Variants in RBFOX1 observed in about 807,000 individuals in gnomAD.
RBFOX1 encodes the protein RNA binding protein fox-1 homolog 1.
RBFOX1 carries 8 observed loss-of-function variants against 57.7 expected under a neutral mutation model. That is an observed-to-expected ratio of 0.14 (90% CI 0.08 to 0.25). The LOEUF is 0.25. RBFOX1 is among the 10% of genes least tolerant of loss of function. RBFOX1 has a pLI of 1.00. For missense variants in RBFOX1, 611 were observed against 548.5 expected (o/e 1.11, Z -1.14); for synonymous variants, 326 against 222.4 (o/e 1.47, Z -4.15).
chr16:5,883,385 T>G (rs1476434995), intron 4 of RBFOX1, among the ~76,000 whole-genome samples: 1 of 152,162 alleles, frequency 6.6e-6, no homozygotes, highest in African/African-American at 2.4e-5. Flanking sequence ...CTCATAATAC[T>G]TTTTCTGACA....
At chr16:6,362,670 A>G (rs2088802327) in intron 2 of RBFOX1, among the ~76,000 whole-genome samples, 1 of 152,236 alleles carries the variant, frequency 6.6e-6, no homozygotes, top group Admixed American at 6.5e-5. Context: ...TTTAACCAGA[A>G]GGTGACTGGT....
At chr16:5,512,084 A>G (rs751160268) in intron 2 of RBFOX1, among the ~76,000 whole-genome samples, 47 of 152,180 alleles carry the variant, frequency 3.1e-4, no homozygotes, top group Non-Finnish European at 6.5e-4. Context: ...ATGGGGTGAT[A>G]TGTCTTGTCC....
At chr16:7,161,997 C>A (rs1345571466) in intron 4 of RBFOX1, among the ~76,000 whole-genome samples, 1 of 152,200 alleles carries the variant, frequency 6.6e-6, no homozygotes, top group Non-Finnish European at 1.5e-5. Context: ...AGAACACAGC[C>A]AGCTAGTAAG....
intron 3 of RBFOX1, among the ~76,000 whole-genome samples, chr16:5,790,178 A>G (rs2054641990): frequency 6.6e-6 from 1 of 152,242 alleles, no homozygotes; most frequent in Non-Finnish European, 1.5e-5. Flanking sequence ...GCTGGACCTG[A>G]AAGTGACAAA....
chr16:6,897,891 T>C (rs1055564667), intron 3 of RBFOX1, among the ~76,000 whole-genome samples: 12 of 152,132 alleles, frequency 7.9e-5, no homozygotes, highest in African/African-American at 2.9e-4. Flanking sequence ...ATATCCCCAA[T>C]TCCCTGGAGC....
At chr16:7,240,587 C>A (rs1042922703) in intron 4 of RBFOX1, among the ~76,000 whole-genome samples, 1 of 152,090 alleles carries the variant, frequency 6.6e-6, no homozygotes, top group Non-Finnish European at 1.5e-5. Context: ...CAGGGTCTCA[C>A]TTTGTCACCC....
intron 1 of RBFOX1, among the ~76,000 whole-genome samples, chr16:5,409,865 T>C (rs1032865638): frequency 5.9e-5 from 9 of 151,872 alleles, no homozygotes; most frequent in Non-Finnish European, 8.8e-5. Context: ...TTGGCCAACA[T>C]GGTGAAACCC....
intron 4 of RBFOX1, among the ~76,000 whole-genome samples, chr16:7,319,479 G>C (rs1214488816): frequency 6.6e-6 from 1 of 152,202 alleles, no homozygotes; most frequent in Admixed American, 6.5e-5. Context: ...TCAGGTCAGT[G>C]TTTGTATGTC....
chr16:7,539,874 C>G (rs1322146393), intron 5 of RBFOX1, among the ~76,000 whole-genome samples: 3 of 152,128 alleles, frequency 2.0e-5, no homozygotes, highest in Non-Finnish European at 4.4e-5. Context: ...TAACTCCGTC[C>G]CCATACTGGC....
At chr16:6,455,820 A>G (rs1044543077) in intron 2 of RBFOX1, among the ~76,000 whole-genome samples, 2 of 152,188 alleles carry the variant, frequency 1.3e-5, no homozygotes, top group Non-Finnish European at 2.9e-5. Flanking sequence ...GATGGCTTAT[A>G]ATAAAGGTGC....
At chr16:7,355,346 A>C (rs545392895) in intron 4 of RBFOX1, among the ~76,000 whole-genome samples, 4 of 152,314 alleles carry the variant, frequency 2.6e-5, no homozygotes, top group Admixed American at 1.3e-4. Context: ...TTCTCAGGAC[A>C]GTTTCAAGAA....
At chr16:7,089,181 G>A (rs988116296) in intron 4 of RBFOX1, among the ~76,000 whole-genome samples, 1 of 152,112 alleles carries the variant, frequency 6.6e-6, no homozygotes, top group Admixed American at 6.5e-5. Context: ...CTGGCAGCTG[G>A]AGACAGAGTT....
chr16:7,314,964 C>G (rs73559863), intron 4 of RBFOX1, among the ~76,000 whole-genome samples: 3,251 of 152,242 alleles, frequency 0.021, 65 homozygotes, highest in African/African-American at 0.051. Flanking sequence ...CTTGAGTAAG[C>G]CACAGAAAGC....
intron 4 of RBFOX1, among the ~76,000 whole-genome samples, chr16:7,073,301 T>A (rs2057699233): frequency 1.3e-5 from 2 of 152,158 alleles, no homozygotes; most frequent in African/African-American, 4.8e-5. Context: ...TTTCAGAAAA[T>A]GTCAGCCAAT....
chr16:6,724,974 C>G (rs991786975), intron 3 of RBFOX1, among the ~76,000 whole-genome samples: 1 of 145,888 alleles, frequency 6.9e-6, no homozygotes, highest in Non-Finnish European at 1.5e-5. Flanking sequence ...AAATGCATTA[C>G]AAATAGTGTA....
intron 3 of RBFOX1, among the ~76,000 whole-genome samples, chr16:6,972,992 A>C (rs1233011033): frequency 6.6e-6 from 1 of 152,110 alleles, no homozygotes; most frequent in Non-Finnish European, 1.5e-5. Flanking sequence ...TTAGCCCAGC[A>C]CGGTGGTAGG....
chr16:6,963,257 C>G (rs747385151), intron 3 of RBFOX1, among the ~76,000 whole-genome samples: 1 of 152,066 alleles, frequency 6.6e-6, no homozygotes, highest in Non-Finnish European at 1.5e-5. Context: ...TGGCAAAAAG[C>G]TAGCCCATCT....
chr16:5,677,674 A>G (rs1227650910), intron 3 of RBFOX1, among the ~76,000 whole-genome samples: 1 of 152,202 alleles, frequency 6.6e-6, no homozygotes, highest in Non-Finnish European at 1.5e-5. Flanking sequence ...GTGTTAGTAG[A>G]GCTTGTTATA....
Position 5,651,909 on chromosome 16 carries a change from G to T in RBFOX1, c.318+52948G>T, listed in dbSNP as rs559310602. Reference sequence around the variant, plus strand: ...AGCATTCGGAAGGCCAAGGCAGGAGGATCGCTTGAGGTCAGGAGTTCAAGA... The same window carrying T: ...AGCATTCGGAAGGCCAAGGCAGGAGTATCGCTTGAGGTCAGGAGTTCAAGA... On this transcript the variant is annotated intron_variant, in intron 3 of 19. Transcript: ENST00000641259. Among the ~76,000 whole-genome samples, 5 of 152,298 alleles carry T rather than the reference G, an allele frequency of 3.3e-5. No individual in the cohort carries two copies. In the South Asian group the frequency reaches 1.0e-3, roughly 32 times the overall value.
Sources: gnomAD v4.1 joint callset for allele counts (sites outside exome capture counted in the v4.1 genomes callset) on GRCh38, gnomAD v4.1.1 for gene constraint, MANE v1.5 for transcripts, NCBI Gene and HGNC (gene_info 2026-07-23, HGNC 2026-07-21) for gene names.